RAPGEF2: variants seen among roughly 807,000 people sequenced by gnomAD.
The protein encoded by RAPGEF2 is PDZ domain containing guanine nucleotide exchange factor (GEF) 1.
A neutral mutation model predicts 186.7 loss-of-function variants in RAPGEF2; 54 were observed. The observed-to-expected ratio is 0.29, with a 90% confidence interval of 0.23 to 0.36. The LOEUF (loss-of-function observed/expected upper bound fraction) is 0.36. RAPGEF2 is among the 10% of genes least tolerant of loss of function. The pLI is 1.00. For synonymous variants in RAPGEF2, 712 were observed against 705.9 expected, an observed-to-expected ratio of 1.01 and a Z score of -0.14; for missense variants, 1,532 against 2,045.0, an observed-to-expected ratio of 0.75 and a Z score of 4.84.
chr4:159,185,790 A>G (rs938755350), intron 1 of RAPGEF2, among the ~76,000 whole-genome samples: 1 of 152,192 alleles, frequency 6.6e-6, no homozygotes, highest in African/African-American at 2.4e-5. Flanking sequence ...TTAAAGGGAT[A>G]CATTTTATAG....
intron 6 of RAPGEF2, among the ~76,000 whole-genome samples, chr4:159,242,676 T>C (rs1754151877): frequency 6.6e-6 from 1 of 150,626 alleles, no homozygotes; most frequent in Admixed American, 6.7e-5. Flanking sequence ...GAGAGACTAG[T>C]ATTAAAAAAA....
At chr4:159,149,885 G>A (rs1411649252) in intron 1 of RAPGEF2, among the ~76,000 whole-genome samples, 1 of 152,176 alleles carries the variant, frequency 6.6e-6, no homozygotes, top group African/African-American at 2.4e-5. Context: ...CAGATGTGAT[G>A]TTGAAAATGT....
Position 159,104,170 on chromosome 4 carries a change from C to G in RAPGEF2, c.8C>G (p.Ser3Cys). Residue 3 changes from serine (S) to cysteine (C), a missense_variant, in exon 1 of 30, where the codon TCC becomes TGC. Physicochemically the swap from Ser to Cys is moderately radical, Grantham distance 112. This residue lies in a region of RAPGEF2 where 810 missense variants were observed against 1,210.5 expected (regional missense o/e 0.67). Transcript: ENST00000691494. Reference protein sequence around the residue: MASYVDNSFRQAV... With the variant: MACYVDNSFRQAV... ...CCCGCTCCCAGAGGGGAGATGGCGTCCTACGTAGATAACAGCTTCCGCCAG... is the reference window on the plus strand; with the variant it reads ...CCCGCTCCCAGAGGGGAGATGGCGTGCTACGTAGATAACAGCTTCCGCCAG... 6.5e-7 allele frequency: 1 copy of G among 1,528,074 alleles called. No homozygotes were observed. Among genetic ancestry groups the G allele is most frequent in the Non-Finnish European group, 8.8e-7 (1 of 1,142,422 alleles). The allele number at this position is 1,528,074 out of a possible 1,614,324, so 94.7% of individuals were successfully genotyped here. A position where few individuals can be genotyped will look rare whatever the true frequency, so the allele number is the denominator to read the frequency against.
Position 159,104,119 on chromosome 4 carries a change from C to T in RAPGEF2, c.-44C>T, listed in dbSNP as rs1277077335. Reference sequence around the variant, plus strand: ...GCAGCGGCGCTGGGCCGGGAGGAGGCCGGCCAGGGTGCGGAGCGGCCCCGG... The same window carrying T: ...GCAGCGGCGCTGGGCCGGGAGGAGGTCGGCCAGGGTGCGGAGCGGCCCCGG... On this transcript the variant is annotated 5_prime_UTR_variant, in exon 1 of 30. Coordinates refer to ENST00000691494, the MANE Select transcript of RAPGEF2 (RefSeq NM_001394067.2). The T allele has an allele frequency of 3.6e-5, 49 of 1,373,800 alleles. No individual in the cohort carries two copies. In the African/African-American group the frequency reaches 6.6e-4, roughly 19 times the overall value. 85.1% of individuals were successfully genotyped at this position (1,373,800 alleles called of 1,614,324 possible). A position where few individuals can be genotyped will look rare whatever the true frequency, so the allele number is the denominator to read the frequency against.
Position 159,193,202 on chromosome 4 carries a change from T to A in RAPGEF2, c.143T>A (p.Leu48Ter). The change falls in exon 3 of 30, where the codon TTA (leucine) becomes TAA (stop). Residue 48 changes from leucine (L) to a stop codon, truncating the protein, a stop_gained and splice_region_variant. Transcript: ENST00000691494. LOFTEE classifies it high-confidence loss of function. ...LSNLREHQLR[L>*]MCETVRYERH... Reference sequence around the variant, plus strand: ...TCATGTTTTTATCTCTTTTACAGGTTAATGTGTGAAACTGTGAGATATGAG... The same window carrying A: ...TCATGTTTTTATCTCTTTTACAGGTAAATGTGTGAAACTGTGAGATATGAG... 1 of 1,496,240 alleles carries A rather than the reference T, an allele frequency of 6.7e-7. No homozygotes were observed. Among genetic ancestry groups the A allele is most frequent in the Non-Finnish European group, 8.9e-7 (1 of 1,127,854 alleles). The allele number at this position is 1,496,240 out of a possible 1,614,324, so 92.7% of individuals were successfully genotyped here.
At chr4:159,174,760 CTTTT>C (rs1043918425) in intron 1 of RAPGEF2, among the ~76,000 whole-genome samples, 2 of 44,126 alleles carry the variant, frequency 4.5e-5, no homozygotes, top group Admixed American at 1.9e-4. Flanking sequence ...TTCTTTCTTT[CTTTT>C]TTTTTTTTTT....
chr4:159,202,430 C>T (rs1340800945), intron 3 of RAPGEF2, among the ~76,000 whole-genome samples: 1 of 152,152 alleles, frequency 6.6e-6, no homozygotes, highest in Non-Finnish European at 1.5e-5. Flanking sequence ...TTCTCCACTC[C>T]CGAAAACCCC....
chr4:159,236,467 GTTTA>G (rs1287327652), intron 4 of RAPGEF2, among the ~76,000 whole-genome samples: 1 of 152,136 alleles, frequency 6.6e-6, no homozygotes, highest in Non-Finnish European at 1.5e-5. Flanking sequence ...CAGTTATATA[GTTTA>G]TTTATGTGAA....
At chr4:159,148,444 G>C (rs1213742769) in intron 1 of RAPGEF2, among the ~76,000 whole-genome samples, 1 of 152,152 alleles carries the variant, frequency 6.6e-6, no homozygotes, top group Non-Finnish European at 1.5e-5. Context: ...TTAATAAAGA[G>C]AAAGTCAAAC....
Position 159,148,283 on chromosome 4 carries a change from G to A in RAPGEF2, c.70-38359G>A, listed in dbSNP as rs908121419. Among the ~76,000 whole-genome samples the A allele has an allele frequency of 6.6e-5, 10 of 152,168 alleles. No individual in the cohort carries two copies. In the East Asian group the frequency reaches 1.3e-3, roughly 20 times the overall value. On this transcript the variant is annotated intron_variant, in intron 1 of 29. Coordinates refer to ENST00000691494, the MANE Select transcript of RAPGEF2 (RefSeq NM_001394067.2). ...TAAGTTTTATTGACCCTGAGTGCCA[G>A]TCTTTATCTTTAAAGTATAGACAGT...
intron 17 of RAPGEF2, among the ~76,000 whole-genome samples, chr4:159,334,385 A>C (rs1767114156): frequency 6.6e-6 from 1 of 152,060 alleles, no homozygotes; most frequent in Non-Finnish European, 1.5e-5. Context: ...AGTAGCTGGG[A>C]TTACAGGTGT....
intron 7 of RAPGEF2, among the ~76,000 whole-genome samples, chr4:159,297,043 C>G (rs943441309): frequency 6.6e-6 from 1 of 152,154 alleles, no homozygotes; most frequent in East Asian, 1.9e-4. Context: ...AGAATTAATT[C>G]CTTTCTGCCT....
At chr4:159,131,498 A>ATCTTTGTC (rs1325438272) in intron 1 of RAPGEF2, among the ~76,000 whole-genome samples, 1 of 74,518 alleles carries the variant, frequency 1.3e-5, no homozygotes, top group Admixed American at 1.3e-4. Flanking sequence ...TTATCTTGAT[A>ATCTTTGTC]TCTTTGTCTG....
At chr4:159,156,704 T>C (rs924828685) in intron 1 of RAPGEF2, among the ~76,000 whole-genome samples, 3 of 152,168 alleles carry the variant, frequency 2.0e-5, no homozygotes, top group African/African-American at 7.2e-5. Flanking sequence ...GTGATCTCAT[T>C]GTTCAATTCC....
chr4:159,278,093 C>CT (rs1759171956), intron 7 of RAPGEF2, among the ~76,000 whole-genome samples: 2 of 152,162 alleles, frequency 1.3e-5, no homozygotes, highest in Non-Finnish European at 2.9e-5. Flanking sequence ...ACATTTAAGT[C>CT]TTTAATCCAT....
intron 3 of RAPGEF2, 67 bp downstream of exon 3, chr4:159,193,323 AGGAGTATTAGTAACAGCT>A (rs1748310530): frequency 1.0e-6 from 1 of 974,796 alleles, no homozygotes; most frequent in African/African-American, 1.7e-5. Flanking sequence ...AAAGTATCAA[AGGAGTATTAGTAACAGCT>A]GGCTAAGTCA....
chr4:159,354,361 A>G (rs972444222), intron 28 of RAPGEF2, among the ~76,000 whole-genome samples: 19 of 152,208 alleles, frequency 1.2e-4, no homozygotes, highest in African/African-American at 3.9e-4. Context: ...ATCAGGATGG[A>G]TTCCTATTAT....
chr4:159,170,624 A>G (rs905672163), intron 1 of RAPGEF2, among the ~76,000 whole-genome samples: 3 of 152,164 alleles, frequency 2.0e-5, no homozygotes, highest in African/African-American at 7.2e-5. Context: ...CATGGATACT[A>G]AGGGTCAGCT....
At chr4:159,351,618 A>G (rs1731184398) in intron 26 of RAPGEF2, among the ~76,000 whole-genome samples, 1 of 152,144 alleles carries the variant, frequency 6.6e-6, no homozygotes, top group African/African-American at 2.4e-5. Context: ...ATGAATATTG[A>G]GAAAGAAGAT....
Sources: allele counts gnomAD v4.1 joint callset (sites outside exome capture counted in the v4.1 genomes callset), GRCh38; gene constraint gnomAD v4.1.1; regional missense constraint gnomAD v4.1.1; transcripts MANE v1.5; gene names NCBI Gene and HGNC (gene_info 2026-07-23, HGNC 2026-07-21).